The following RALYL variants were observed in gnomAD, a reference collection of about 807,000 sequenced individuals.
RALYL encodes the protein RNA-binding Raly-like protein.
Under a neutral mutation model 35.1 loss-of-function variants are expected in RALYL, and 29 were observed. The observed-to-expected ratio is 0.83, with a 90% confidence interval of 0.61 to 1.13. RALYL has a LOEUF of 1.13. Among genes scored for constraint, RALYL ranks in the 50% most tolerant of loss-of-function variants. The pLI is 0.00. For missense variants in RALYL, 359 were observed against 360.4 expected (o/e 1.00, Z 0.03); for synonymous variants, 120 against 127.6 (o/e 0.94, Z 0.40).
chr8:84,887,264 A>G (rs1843044546), intron 7 of RALYL, among the ~76,000 whole-genome samples: 1 of 152,148 alleles, frequency 6.6e-6, no homozygotes, highest in Non-Finnish European at 1.5e-5. Flanking sequence ...TTCCTCTCAG[A>G]AAGACCATCC....
intron 2 of RALYL, among the ~76,000 whole-genome samples, chr8:84,645,259 G>A (rs1827246802): frequency 6.6e-6 from 1 of 151,408 alleles, no homozygotes; most frequent in Non-Finnish European, 1.5e-5. Context: ...TTTTGTTGTT[G>A]TTTACATCAT....
intron 2 of RALYL, among the ~76,000 whole-genome samples, chr8:84,609,372 A>T (rs1232258207): frequency 6.6e-6 from 1 of 152,162 alleles, no homozygotes; most frequent in Non-Finnish European, 1.5e-5. Flanking sequence ...ATGAAAATTA[A>T]TTATATACGT....
At chr8:84,761,377 A>C (rs550409018) in intron 2 of RALYL, among the ~76,000 whole-genome samples, 2 of 152,220 alleles carry the variant, frequency 1.3e-5, no homozygotes, top group African/African-American at 4.8e-5. Flanking sequence ...AAAATCATTC[A>C]GTTCATTTAT....
At chr8:84,728,974 A>T (rs1417400151) in intron 2 of RALYL, among the ~76,000 whole-genome samples, 1 of 152,148 alleles carries the variant, frequency 6.6e-6, no homozygotes, top group Admixed American at 6.6e-5. Flanking sequence ...TTTTGGTTGC[A>T]TATGAACTTG....
intron 1 of RALYL, among the ~76,000 whole-genome samples, chr8:84,433,833 ATG>A (rs1318283261): frequency 1.2e-4 from 13 of 109,880 alleles, no homozygotes; most frequent in Non-Finnish European, 2.0e-4. Flanking sequence ...GTGTGTGTGT[ATG>A]TGTGTGTGTA....
chr8:84,628,012 A>G (rs1254213732), intron 2 of RALYL, among the ~76,000 whole-genome samples: 12 of 152,180 alleles, frequency 7.9e-5, no homozygotes, highest in Admixed American at 5.9e-4. Flanking sequence ...CTTTCAATCT[A>G]TTCTCTGGAA....
At chr8:84,462,907 C>T (rs180748725) in intron 1 of RALYL, among the ~76,000 whole-genome samples, 25 of 151,764 alleles carry the variant, frequency 1.6e-4, no homozygotes, top group African/African-American at 5.3e-4. Flanking sequence ...AGCAACCCAC[C>T]TTTGTTTTGT....
At chr8:84,439,868 T>C (rs1359824310) in intron 1 of RALYL, among the ~76,000 whole-genome samples, 1 of 152,118 alleles carries the variant, frequency 6.6e-6, no homozygotes, top group African/African-American at 2.4e-5. Context: ...TATGCTGGAT[T>C]TATACTTAAT....
intron 2 of RALYL, among the ~76,000 whole-genome samples, chr8:84,552,330 A>ACT (rs2060782216): frequency 9.2e-6 from 1 of 108,950 alleles, no homozygotes. Flanking sequence ...CTATAGTAGG[A>ACT]TGTGTGTGTA....
intron 8 of RALYL, among the ~76,000 whole-genome samples, chr8:84,892,338 G>A (rs746709856): frequency 6.6e-5 from 10 of 152,076 alleles, no homozygotes; most frequent in Non-Finnish European, 1.3e-4. Context: ...GGCTGGGCAT[G>A]GTGGCTCACG....
intron 1 of RALYL, among the ~76,000 whole-genome samples, chr8:84,390,450 C>T (rs545192595): frequency 2.6e-5 from 4 of 152,108 alleles, no homozygotes; most frequent in South Asian, 2.1e-4. Context: ...TGGTGGAATT[C>T]GGCTGTGAAT....
intron 7 of RALYL, among the ~76,000 whole-genome samples, chr8:84,886,286 C>G (rs1387573302): frequency 1.8e-5 from 2 of 113,430 alleles, no homozygotes; most frequent in Non-Finnish European, 3.3e-5. Flanking sequence ...CTTATTTGTA[C>G]ATTATATTTA....
chr8:84,651,031 T>A (rs1168945198), intron 2 of RALYL, among the ~76,000 whole-genome samples: 2 of 151,402 alleles, frequency 1.3e-5, no homozygotes, highest in African/African-American at 4.9e-5. Context: ...TGAGAACACA[T>A]GGACACAGGA....
chr8:84,664,263 ATTTTTTTTTTT>A (rs60423756), intron 2 of RALYL, among the ~76,000 whole-genome samples: 10 of 58,036 alleles, frequency 1.7e-4, no homozygotes, highest in Admixed American at 1.1e-3. Context: ...ATGCCTCTAG[ATTTTTTTTTTT>A]TTTTTTTTTT....
At chr8:84,552,628 C>T (rs188971548) in intron 2 of RALYL, among the ~76,000 whole-genome samples, 74 of 151,786 alleles carry the variant, frequency 4.9e-4, no homozygotes, top group African/African-American at 1.7e-3. Context: ...TGATTTGACC[C>T]TACTTAGTCT....
intron 1 of RALYL, among the ~76,000 whole-genome samples, chr8:84,260,360 G>A (rs752414114): frequency 6.6e-6 from 1 of 152,154 alleles, no homozygotes; most frequent in Admixed American, 6.5e-5. Context: ...ACCACTTAGA[G>A]TGGTCTCAGG....
rs1303163266 is a variant in RALYL at position 84,706,902 on chromosome 8, G to A, written c.257-67677G>A. Among the ~76,000 whole-genome samples, 3 of 152,018 alleles carry A rather than the reference G, an allele frequency of 2.0e-5. No homozygotes were observed. In the East Asian group the frequency reaches 5.8e-4, roughly 29 times the overall value. On this transcript the variant is annotated intron_variant, in intron 2 of 8. Transcript: ENST00000521268. ...AATAATACCATATTTAGCCCAAAATGGTCTGTCACTGTCTCTATTTATCGT... is the reference window on the plus strand; with the variant it reads ...AATAATACCATATTTAGCCCAAAATAGTCTGTCACTGTCTCTATTTATCGT...
At chr8:84,882,163 A>G (rs1842268811) in intron 7 of RALYL, among the ~76,000 whole-genome samples, 1 of 151,994 alleles carries the variant, frequency 6.6e-6, no homozygotes, top group South Asian at 2.1e-4. Flanking sequence ...CTTTTTACAT[A>G]AGCTGTTGGC....
chr8:84,707,192 T>A (rs1335851802), intron 2 of RALYL, among the ~76,000 whole-genome samples: 1 of 152,202 alleles, frequency 6.6e-6, no homozygotes, highest in Non-Finnish European at 1.5e-5. Context: ...AGGGCTAGGC[T>A]GCCAGTTTGA....
Sources: gnomAD v4.1 joint callset for allele counts (sites outside exome capture counted in the v4.1 genomes callset) on GRCh38, gnomAD v4.1.1 for gene constraint, MANE v1.5 for transcripts, NCBI Gene and HGNC (gene_info 2026-07-23, HGNC 2026-07-21) for gene names.